PRKAG2: variants seen among roughly 807,000 people sequenced by gnomAD.
PRKAG2 encodes protein kinase AMP-activated non-catalytic subunit gamma 2.
In PRKAG2, 26 loss-of-function variants were observed where a neutral mutation model predicts 69.6. The ratio of observed to expected loss-of-function variants is 0.37; its 90% CI spans 0.27 to 0.52. The LOEUF is 0.52. PRKAG2 is among the 20% of genes least tolerant of loss of function. PRKAG2 has a pLI of 0.90. For synonymous variants in PRKAG2, 293 were observed against 285.0 expected (o/e 1.03, Z -0.28); for missense variants, 557 against 740.0 (o/e 0.75, Z 2.87).
At chr7:151,782,189 A>T (rs1404919486) in intron 2 of PRKAG2, among the ~76,000 whole-genome samples, 3 of 151,974 alleles carry the variant, frequency 2.0e-5, no homozygotes. Flanking sequence ...AGGCTGAGGC[A>T]GGAGAATCTC....
intron 2 of PRKAG2, 37 bp downstream of exon 2, chr7:151,786,433 A>C (rs1490145565): frequency 6.4e-7 from 1 of 1,573,072 alleles, no homozygotes; most frequent in Non-Finnish European, 8.7e-7. Flanking sequence ...TGGCACCTCA[A>C]GTGAGCTGTG....
chr7:151,749,871 C>T (rs944771276), intron 3 of PRKAG2, among the ~76,000 whole-genome samples: 2 of 150,766 alleles, frequency 1.3e-5, no homozygotes, highest in African/African-American at 2.4e-5. Context: ...CCGAGGTGGG[C>T]AGATCACGTG....
At chr7:151,716,237 C>T (rs765435248) in intron 3 of PRKAG2, among the ~76,000 whole-genome samples, 6 of 152,178 alleles carry the variant, frequency 3.9e-5, no homozygotes, top group African/African-American at 1.2e-4. Flanking sequence ...ACCTGAGGTG[C>T]CCTTGGCCTT....
chr7:151,804,069 C>CT (rs1826031462), intron 1 of PRKAG2, among the ~76,000 whole-genome samples: 1 of 152,070 alleles, frequency 6.6e-6, no homozygotes, highest in African/African-American at 2.4e-5. Flanking sequence ...GCGTAGACAG[C>CT]TAGGGTTGCT....
chr7:151,731,257 G>A (rs1798875431), intron 3 of PRKAG2, among the ~76,000 whole-genome samples: 1 of 152,208 alleles, frequency 6.6e-6, no homozygotes, highest in South Asian at 2.1e-4. Flanking sequence ...CTTGTCTAGC[G>A]CCTGGAGCCT....
chr7:151,584,661 C>T (rs530491864), intron 6 of PRKAG2, among the ~76,000 whole-genome samples: 15 of 152,290 alleles, frequency 9.8e-5, no homozygotes, highest in Admixed American at 1.3e-4. Flanking sequence ...TTCGGGAGGC[C>T]GCAGCGCTGA....
chr7:151,558,871 C>T (rs902498925), intron 15 of PRKAG2: 7 of 985,238 alleles, frequency 7.1e-6, no homozygotes, highest in African/African-American at 1.7e-5. Context: ...CCAGCACAAC[C>T]GTTCATTCTT....
chr7:151,702,343 A>T (rs2151572703), intron 3 of PRKAG2, among the ~76,000 whole-genome samples: 2 of 152,342 alleles, frequency 1.3e-5, no homozygotes, highest in East Asian at 3.9e-4. Flanking sequence ...CAGTAGGCAC[A>T]CACTGACTCT....
chr7:151,795,351 C>T (rs1470950809), intron 1 of PRKAG2, among the ~76,000 whole-genome samples: 2 of 152,132 alleles, frequency 1.3e-5, no homozygotes, highest in Admixed American at 1.3e-4. Context: ...GGCAGCCTCC[C>T]AGCTCCCTTC....
chr7:151,628,401 G>A (rs898793630), intron 5 of PRKAG2, among the ~76,000 whole-genome samples: 2 of 152,196 alleles, frequency 1.3e-5, no homozygotes, highest in Non-Finnish European at 2.9e-5. Context: ...AATTACAAAT[G>A]TAAAAAGCAA....
chr7:151,689,293 G>C (rs894398144), intron 3 of PRKAG2, among the ~76,000 whole-genome samples: 1 of 152,138 alleles, frequency 6.6e-6, no homozygotes, highest in Non-Finnish European at 1.5e-5. Flanking sequence ...CCTCACTCTG[G>C]AGGGCTCCCT....
rs2079118645 is a variant in PRKAG2, at chr7:151,835,126, T to G, written c.114+41381A>C. ...GAAACGACCCTGTTTCCAAAAGAGG[T>G]CACATTCACAGGTACAGAGGGTTAG... is the stretch of plus-strand genomic sequence containing the variant. On this transcript the variant is annotated intron_variant, in intron 1 of 15. Transcript: ENST00000287878. This position sits in a 1 kb window ranked among gnomAD's most constrained non-coding sequence, Gnocchi z 4.1. 6.6e-6 allele frequency among the ~76,000 whole-genome samples: 1 copy of G among 152,012 alleles called. No homozygotes were observed. Among genetic ancestry groups the G allele is most frequent in the Non-Finnish European group, 1.5e-5 (1 of 68,004 alleles).
At chr7:151,797,287 G>C (rs2151833758) in intron 1 of PRKAG2, among the ~76,000 whole-genome samples, 1 of 146,160 alleles carries the variant, frequency 6.8e-6, no homozygotes, top group South Asian at 2.2e-4. Flanking sequence ...CAGCGGTTTT[G>C]GTTAGTGCTT....
intron 3 of PRKAG2, among the ~76,000 whole-genome samples, chr7:151,728,009 A>AG (rs1449159534): frequency 6.6e-6 from 1 of 152,124 alleles, no homozygotes; most frequent in African/African-American, 2.4e-5. Context: ...TGCTTTCCAG[A>AG]GGCCACTGCG....
chr7:151,744,470 G>A (rs542223785), intron 3 of PRKAG2, among the ~76,000 whole-genome samples: 15 of 152,340 alleles, frequency 9.8e-5, no homozygotes, highest in East Asian at 3.9e-4. Context: ...TCATCAGGCC[G>A]AGCTGCCTCC....
chr7:151,752,975 A>G (rs1359383888), intron 3 of PRKAG2, among the ~76,000 whole-genome samples: 1 of 152,218 alleles, frequency 6.6e-6, no homozygotes, highest in Non-Finnish European at 1.5e-5. Context: ...TCGCGGCCGC[A>G]TCGGGTGACC....
intron 4 of PRKAG2, among the ~76,000 whole-genome samples, chr7:151,643,725 A>T (rs1390820376): frequency 6.6e-6 from 1 of 152,204 alleles, no homozygotes; most frequent in Non-Finnish European, 1.5e-5. Flanking sequence ...GAGCCAAGGA[A>T]ATGGAGAAGC....
intron 3 of PRKAG2, among the ~76,000 whole-genome samples, chr7:151,721,337 C>T (rs142400025): frequency 1.3e-5 from 2 of 152,116 alleles, no homozygotes; most frequent in Admixed American, 6.5e-5. Flanking sequence ...CTTCTGCCTA[C>T]AACTGGAGCT....
intron 1 of PRKAG2, among the ~76,000 whole-genome samples, chr7:151,832,254 AGGAGGGAAGGAAG>A (rs1441053612): frequency 6.5e-5 from 8 of 123,434 alleles, no homozygotes; most frequent in African/African-American, 2.4e-4. Flanking sequence ...GAAGGAAGGG[AGGAGGGAAGGAAG>A]GGAGGAGGGA....
Sources: allele counts gnomAD v4.1 joint callset (sites outside exome capture counted in the v4.1 genomes callset), GRCh38; gene constraint gnomAD v4.1.1; non-coding constraint Gnocchi (gnomAD v3.1); transcripts MANE v1.5; gene names NCBI Gene and HGNC (gene_info 2026-07-23, HGNC 2026-07-21).